VPS16: variants seen among roughly 807,000 people sequenced by gnomAD.
VPS16 encodes vacuolar protein sorting-associated protein 16 homolog.
In VPS16, 82 loss-of-function variants were observed where a neutral mutation model predicts 116.0. That is an observed-to-expected ratio of 0.71 (90% CI 0.59 to 0.85). The LOEUF is 0.85. VPS16 is among the 40% of genes least tolerant of loss of function. The probability of loss-of-function intolerance (pLI) is 0.00; values close to 1 mark genes in which losing one functional copy is unlikely to be tolerated. For missense variants in VPS16, 928 were observed against 1,090.6 expected, an observed-to-expected ratio of 0.85 and a Z score of 2.10; for synonymous variants, 406 against 420.7, an observed-to-expected ratio of 0.96 and a Z score of 0.43.
intron 1 of VPS16, 132 bp downstream of exon 1, chr20:2,840,959 T>C: frequency 2.3e-6 from 2 of 871,944 alleles, no homozygotes; most frequent in South Asian, 3.5e-5. Context: ...CCCGAGCGTC[T>C]GCCACTTAGC....
At chr20:2,862,474 G>A in intron 11 of VPS16, 105 bp from the exon 12 acceptor site, 1 of 1,528,172 alleles carries the variant, frequency 6.5e-7, no homozygotes, top group Non-Finnish European at 8.8e-7. Flanking sequence ...AGCCTGTGCA[G>A]CTCCTCCAAC....
At chr20:2,850,196 G>A (rs537775837) in intron 1 of VPS16, among the ~76,000 whole-genome samples, 6 of 152,202 alleles carry the variant, frequency 3.9e-5, no homozygotes, top group Admixed American at 1.3e-4. Flanking sequence ...GGTGGCAGGC[G>A]CCTGTAATCC....
intron 1 of VPS16, among the ~76,000 whole-genome samples, chr20:2,854,914 TC>T (rs1568625126): frequency 2.1e-4 from 22 of 103,922 alleles, no homozygotes; most frequent in Non-Finnish European, 3.3e-4. Flanking sequence ...CTTGTACATC[TC>T]CATCAGAGTT....
chr20:2,849,337 A>G (rs1220951225), intron 1 of VPS16, among the ~76,000 whole-genome samples: 1 of 123,482 alleles, frequency 8.1e-6, no homozygotes, highest in African/African-American at 3.2e-5. Context: ...TTTTGCTCTT[A>G]TTGTCCAGAC....
intron 1 of VPS16, among the ~76,000 whole-genome samples, chr20:2,848,248 ATT>A (rs2146647559): frequency 6.6e-6 from 1 of 150,498 alleles, no homozygotes; most frequent in Admixed American, 6.6e-5. Flanking sequence ...TTTATTTTTA[ATT>A]TTAATTTTTT....
chr20:2,860,744 A>G lies in VPS16; in HGVS notation c.515-4A>G. 1.2e-6 allele frequency: 2 copies of G among 1,613,822 alleles called. No individual in the cohort carries two copies. The highest frequency in any genetic ancestry group is 1.6e-4 in the Middle Eastern group (1 of 6,062). On this transcript the variant is annotated splice_region_variant and splice_polypyrimidine_tract_variant and intron_variant, in intron 5 of 23. Transcript: ENST00000380445. The surrounding 1 kb of genome is among the most constrained non-coding windows in gnomAD (Gnocchi z 6.1). ...CCTAACACTGTCCTTTTCCCTGGCC[A>G]TAGGTCTGCAAAGTGCACCCTCCTG... is the stretch of plus-strand genomic sequence containing the variant.
At chr20:2,842,844 CGATAGATAGATGTATCTATCGATA>C (rs1568621011) in intron 1 of VPS16, among the ~76,000 whole-genome samples, 1 of 20,222 alleles carries the variant, frequency 4.9e-5, no homozygotes. Flanking sequence ...ATGTATCTAT[CGATAGATAGATGTATCTATCGATA>C]GATAGATAGA....
Position 2,865,535 on chromosome 20 carries a change from G to C in VPS16, c.2271+40G>C, listed in dbSNP as rs1356316219. 6.3e-7 allele frequency: 1 copy of C among 1,585,738 alleles called. No individual in the cohort carries two copies. Among genetic ancestry groups the C allele is most frequent in the Admixed American group, 1.7e-5 (1 of 58,774 alleles). On this transcript the variant is annotated intron_variant, in intron 22 of 23. Coordinates refer to ENST00000380445, the MANE Select transcript of VPS16 (RefSeq NM_022575.4). The surrounding 1 kb of genome is among the most constrained non-coding windows in gnomAD (Gnocchi z 5.2). ...TCCCTCCAGCCCACTTCCAGTGAGG[G>C]TAGTCTTCGGGAGAGAGGGCTAGGC...
In VPS16 at chr20:2,862,067, A is replaced by T. The variant is rs1430292584; in HGVS notation, c.1008A>T (p.Glu336Asp). The T allele has an allele frequency of 7.4e-6, 12 of 1,613,814 alleles. No individual in the cohort carries two copies. Among genetic ancestry groups the T allele is most frequent in the Non-Finnish European group, 1.0e-5 (12 of 1,179,964 alleles). Residue 336 changes from glutamate (E) to aspartate (D), a missense_variant, in exon 11 of 24, where the codon GAA becomes GAT. Coordinates refer to ENST00000380445, the MANE Select transcript of VPS16 (RefSeq NM_022575.4). Reference protein sequence around the residue: ...FLHEVPAASEEIFKIASMAPG... With the variant: ...FLHEVPAASEDIFKIASMAPG... ...TCCCTTCCCCAGCGGCCAGCGAGGA[A>T]ATCTTCAAAATTGCCTCAATGGCCC...
intron 1 of VPS16, among the ~76,000 whole-genome samples, chr20:2,843,160 G>T (rs953906829): frequency 6.6e-6 from 1 of 151,700 alleles, no homozygotes; most frequent in East Asian, 1.9e-4. Context: ...TTGGCCGAGC[G>T]TGGTGGCTCA....
At chr20:2,841,692 T>A (rs757015034) in intron 1 of VPS16, among the ~76,000 whole-genome samples, 1 of 152,084 alleles carries the variant, frequency 6.6e-6, no homozygotes, top group Non-Finnish European at 1.5e-5. Context: ...TTAGGTATGG[T>A]CTATTTGTAT....
chr20:2,862,744 G>A, intron 12 of VPS16, 34 bp downstream of exon 12: 2 of 1,607,254 alleles, frequency 1.2e-6, no homozygotes, highest in Non-Finnish European at 1.7e-6. Context: ...GGAGGGTGGG[G>A]CTGGGAGGGG....
Position 2,860,088 on chromosome 20 carries a change from T to G in VPS16, c.177T>G (p.Ala59=). 6.2e-7 allele frequency: 1 copy of G among 1,614,020 alleles called. No individual in the cohort carries two copies. The change falls in exon 3 of 24, where the codon GCT becomes GCG. Residue 59 remains alanine, a synonymous_variant. Coordinates refer to ENST00000380445, the MANE Select transcript of VPS16 (RefSeq NM_022575.4). This position sits in a 1 kb window ranked among gnomAD's most constrained non-coding sequence, Gnocchi z 6.1. ...LLRNPWRKEK[A]ASVRPVLDIY... The stretch of plus-strand genomic sequence containing the variant: ...GGAACCCCTGGCGGAAGGAGAAAGC[T>G]GCTAGTGTGAGGCCAGTGCTCGATA...
intron 1 of VPS16, among the ~76,000 whole-genome samples, chr20:2,852,407 C>T (rs1205440757): frequency 3.3e-5 from 5 of 152,060 alleles, no homozygotes; most frequent in Non-Finnish European, 7.4e-5. Flanking sequence ...AGAGGCAATG[C>T]GTTGATAACT....
At chr20:2,851,488 C>T (rs957847257) in intron 1 of VPS16, among the ~76,000 whole-genome samples, 1 of 151,922 alleles carries the variant, frequency 6.6e-6, no homozygotes, top group Non-Finnish European at 1.5e-5. Context: ...CATGGTGAAA[C>T]CCCATCTCTA....
At chr20:2,845,505 T>C (rs1201219164) in intron 1 of VPS16, among the ~76,000 whole-genome samples, 2 of 151,850 alleles carry the variant, frequency 1.3e-5, no homozygotes, top group African/African-American at 4.8e-5. Flanking sequence ...GTTTTTTTGA[T>C]ACATAAACAT....
chr20:2,864,453 G>T lies in VPS16; in HGVS notation c.1809G>T (p.Leu603Phe). 1 of 1,614,200 alleles carries T rather than the reference G, an allele frequency of 6.2e-7. No homozygotes were observed. The highest frequency in any genetic ancestry group is 1.1e-5 in the South Asian group (1 of 91,088). ...GGAATCAGCCCATGGCCCTCAGTTT[G>T]TACCGACAGGTGTGTGTAGTGGGCA... ...TLRNQPMALS[L>F]YRQFCKHQEL... Residue 603 changes from leucine (L) to phenylalanine (F), a missense_variant, in exon 18 of 24, where the codon TTG (leucine) becomes TTT (phenylalanine). Coordinates refer to ENST00000380445, the MANE Select transcript of VPS16 (RefSeq NM_022575.4). This position sits in a 1 kb window ranked among gnomAD's most constrained non-coding sequence, Gnocchi z 5.2.
At chr20:2,842,659 T>TAG (rs1316920730) in intron 1 of VPS16, among the ~76,000 whole-genome samples, 1 of 77,078 alleles carries the variant, frequency 1.3e-5, no homozygotes, top group African/African-American at 6.4e-5. Context: ...TATAGATAGA[T>TAG]ATATAGATGT....
At chr20:2,842,629 T>G (rs1464397953) in intron 1 of VPS16, among the ~76,000 whole-genome samples, 3 of 145,104 alleles carry the variant, frequency 2.1e-5, no homozygotes, top group African/African-American at 5.2e-5. Context: ...TCTATCTATA[T>G]CTATCTATAG....
Sources: allele counts gnomAD v4.1 joint callset (sites outside exome capture counted in the v4.1 genomes callset), GRCh38; gene constraint gnomAD v4.1.1; non-coding constraint Gnocchi (gnomAD v3.1); transcripts MANE v1.5; gene names NCBI Gene and HGNC (gene_info 2026-07-23, HGNC 2026-07-21).